TNRC6A: variants seen among roughly 807,000 people sequenced by gnomAD.
TNRC6A encodes trinucleotide repeat-containing gene 6A protein.
A neutral mutation model predicts 221.2 loss-of-function variants in TNRC6A; 44 were observed. The observed-to-expected ratio is 0.20, with a 90% confidence interval of 0.16 to 0.26. The LOEUF is 0.26. Among genes scored for constraint, TNRC6A ranks in the 10% least tolerant of loss-of-function variants. TNRC6A has a pLI of 1.00. For synonymous variants in TNRC6A, 847 were observed against 838.5 expected, an observed-to-expected ratio of 1.01 and a Z score of -0.18; for missense variants, 2,199 against 2,404.4, an observed-to-expected ratio of 0.91 and a Z score of 1.79.
chr16:24,622,139 G>T (rs1410381536), intron 1 of TNRC6A, among the ~76,000 whole-genome samples: 1 of 152,038 alleles, frequency 6.6e-6, no homozygotes, highest in African/African-American at 2.4e-5. Flanking sequence ...TTTTTTAGTG[G>T]CCAGCCATGG....
intron 2 of TNRC6A, among the ~76,000 whole-genome samples, chr16:24,723,316 G>A (rs956374126): frequency 6.6e-6 from 1 of 152,090 alleles, no homozygotes; most frequent in Non-Finnish European, 1.5e-5. Context: ...CATGGTGGCA[G>A]GGCGCAGTGG....
intron 2 of TNRC6A, among the ~76,000 whole-genome samples, chr16:24,683,026 T>G (rs896160648): frequency 6.6e-6 from 1 of 152,160 alleles, no homozygotes; most frequent in Non-Finnish European, 1.5e-5. Flanking sequence ...ACCAGCTAGT[T>G]TTGGAGGCTC....
At chr16:24,643,084 TATATATATTTTATATATATATATAAA>T (rs1902055594) in intron 2 of TNRC6A, among the ~76,000 whole-genome samples, 2 of 136,748 alleles carry the variant, frequency 1.5e-5, no homozygotes, top group South Asian at 4.4e-4. Flanking sequence ...ATATATTATA[TATATATATTTTATATATATATATAAA>T]ATATATATAT....
At chr16:24,791,899 C>T (rs938030577) in intron 6 of TNRC6A, 82 bp downstream of exon 6, 51 of 1,358,412 alleles carry the variant, frequency 3.8e-5, no homozygotes, top group Middle Eastern at 2.6e-4. Context: ...CTTGGATATG[C>T]ACACAAAGGC....
At chr16:24,742,307 A>C (rs2056908422) in intron 2 of TNRC6A, among the ~76,000 whole-genome samples, 2 of 152,236 alleles carry the variant, frequency 1.3e-5, no homozygotes, top group South Asian at 4.1e-4. Flanking sequence ...AGATGGTGGA[A>C]TTGAGGTTTA....
At chr16:24,690,109 A>C (rs1042099569) in intron 2 of TNRC6A, among the ~76,000 whole-genome samples, 2 of 151,050 alleles carry the variant, frequency 1.3e-5, no homozygotes, top group Non-Finnish European at 2.9e-5. Flanking sequence ...TCCTGGGCTC[A>C]AACAATCTTC....
At chr16:24,793,184 C>T (rs1288173099) in intron 6 of TNRC6A, among the ~76,000 whole-genome samples, 6 of 152,186 alleles carry the variant, frequency 3.9e-5, no homozygotes, top group Non-Finnish European at 7.3e-5. Context: ...AGGAATTAAA[C>T]TGATGCTCAA....
chr16:24,663,903 A>C (rs1424147043), intron 2 of TNRC6A: 1 of 456,598 alleles, frequency 2.2e-6, no homozygotes, highest in Admixed American at 2.3e-5. Flanking sequence ...ATCAGGCAGA[A>C]TATTTTAAGC....
intron 2 of TNRC6A, among the ~76,000 whole-genome samples, chr16:24,686,531 G>A (rs1056034646): frequency 1.3e-5 from 2 of 151,992 alleles, no homozygotes; most frequent in South Asian, 4.2e-4. Flanking sequence ...CCTGCGTCTG[G>A]GCACTTCATA....
At position 24,776,323 on chromosome 16, in the gene TNRC6A, C is replaced by T. The variant is rs1056864835; in HGVS notation, c.164-610C>T. ...TTATTTATCTCATTTTGATTCATCT[C>T]ATAGATAACGTTATCTTTGTCTTTA... On this transcript the variant is annotated intron_variant, in intron 4 of 24. Coordinates refer to ENST00000395799, the MANE Select transcript of TNRC6A (RefSeq NM_014494.4). 4.0e-5 allele frequency: 39 copies of T among 984,308 alleles called. No individual in the cohort carries two copies. In the African/African-American group the frequency reaches 6.8e-4, roughly 17 times the overall value. 61.0% of individuals were successfully genotyped at this position (984,308 alleles called of 1,614,324 possible).
chr16:24,820,012 T>G, intron 21 of TNRC6A, 127 bp from the exon 22 acceptor site: 1 of 840,916 alleles, frequency 1.2e-6, no homozygotes, highest in Non-Finnish European at 1.8e-6. Context: ...GTTTAGTTGA[T>G]TTGGGGTTTT....
chr16:24,612,261 C>G (rs1176376648), intron 1 of TNRC6A, among the ~76,000 whole-genome samples: 3 of 152,126 alleles, frequency 2.0e-5, no homozygotes, highest in South Asian at 2.1e-4. Context: ...AACGACAGAG[C>G]AGAATCCGCC....
Position 24,706,979 on chromosome 16 carries a change from T to C in TNRC6A, n.403-43747T>C, listed in dbSNP as rs200676812. ...ACGATGTATTTATTTATTTATCTAT[T>C]TTTATTTATGTATTTATTTATTTAT... On this transcript the variant is annotated intron_variant and non_coding_transcript_variant, in intron 2 of 2. Transcript: ENST00000566108. Among the ~76,000 whole-genome samples, 74 of 140,504 alleles carry C rather than the reference T, an allele frequency of 5.3e-4. 1 individual carries two copies. Among genetic ancestry groups the C allele is most frequent in the African/African-American group, 2.0e-3 (72 of 35,900 alleles). 92.2% of individuals were successfully genotyped at this position (140,504 alleles called of 152,430 possible).
intron 3 of TNRC6A, among the ~76,000 whole-genome samples, chr16:24,754,656 TA>T (rs1303659242): frequency 6.6e-6 from 1 of 152,094 alleles, no homozygotes; most frequent in Non-Finnish European, 1.5e-5. Context: ...CAAGGGATCT[TA>T]AGGGAAATGT....
At chr16:24,795,869 T>C (rs200821773) in intron 8 of TNRC6A, 38 bp from the exon 9 acceptor site, 18 of 1,559,558 alleles carry the variant, frequency 1.2e-5, no homozygotes, top group Non-Finnish European at 1.6e-5. Context: ...TTCTTCCCAC[T>C]GGACCATGCT....
chr16:24,811,252 T>G (rs1375202120), intron 18 of TNRC6A, among the ~76,000 whole-genome samples: 3 of 152,148 alleles, frequency 2.0e-5, no homozygotes, highest in Non-Finnish European at 4.4e-5. Flanking sequence ...AAAAGTCTGA[T>G]TTGTTAAGGG....
At chr16:24,659,202 G>A (rs2054978090) in intron 2 of TNRC6A, among the ~76,000 whole-genome samples, 1 of 151,988 alleles carries the variant, frequency 6.6e-6, no homozygotes, top group East Asian at 1.9e-4. Context: ...TAACTTCTTT[G>A]AGTGAATACT....
At chr16:24,675,696 CTCTCTCTATATATATATATATATATA>C (rs1216262627) in intron 2 of TNRC6A, among the ~76,000 whole-genome samples, 19 of 76,100 alleles carry the variant, frequency 2.5e-4, no homozygotes, top group African/African-American at 9.8e-4. Context: ...CTCTCTCTCT[CTCTCTCTATATATATATATATATATA>C]TATATATATA....
intron 2 of TNRC6A, among the ~76,000 whole-genome samples, chr16:24,677,677 G>C (rs1307751606): frequency 1.3e-5 from 2 of 152,172 alleles, no homozygotes; most frequent in African/African-American, 4.8e-5. Flanking sequence ...GCCTTGTCTT[G>C]TCTCTGCTCT....
Sources: gnomAD v4.1 joint callset for allele counts (sites outside exome capture counted in the v4.1 genomes callset) on GRCh38, gnomAD v4.1.1 for gene constraint, MANE v1.5 for transcripts, NCBI Gene and HGNC (gene_info 2026-07-23, HGNC 2026-07-21) for gene names.